LHX4: variants seen among roughly 807,000 people sequenced by gnomAD.
The protein encoded by LHX4 is LIM/homeobox protein Lhx4.
A neutral mutation model predicts 39.2 loss-of-function variants in LHX4; 16 were observed. That is an observed-to-expected ratio of 0.41 (90% CI 0.28 to 0.62). The LOEUF (loss-of-function observed/expected upper bound fraction) is 0.62. Ranked by LOEUF, LHX4 falls within the 20% of genes least tolerant of loss-of-function variation. The pLI is 0.33. For synonymous variants in LHX4, 206 were observed against 198.1 expected, an observed-to-expected ratio of 1.04 and a Z score of -0.33; for missense variants, 439 against 511.9, an observed-to-expected ratio of 0.86 and a Z score of 1.37.
chr1:180,272,114 C>T (rs1257529183), intron 5 of LHX4, 108 bp downstream of exon 5: 20 of 974,554 alleles, frequency 2.1e-5, no homozygotes, highest in Non-Finnish European at 3.0e-5. Flanking sequence ...CAACTCCCTC[C>T]TGAACACAGG....
chr1:180,242,479 C>T (rs560590066), intron 1 of LHX4, among the ~76,000 whole-genome samples: 5 of 151,496 alleles, frequency 3.3e-5, no homozygotes, highest in East Asian at 1.9e-4. Flanking sequence ...ATGGTGTGGG[C>T]GTGTATATAT....
rs1490916810 is a variant in LHX4 at position 180,276,143 on chromosome 1, G to T, written c.*1564G>T. On this transcript the variant is annotated 3_prime_UTR_variant, in exon 6 of 6. Transcript: ENST00000263726. ...CTCTTAAATGAGATCAGCAGAGTAG[G>T]AAAGGGTGAGAAGGCATTGCCTATC... 2.0e-5 allele frequency: 3 copies of T among 152,200 alleles called. No homozygotes were observed. Among genetic ancestry groups the T allele is most frequent in the Non-Finnish European group, 4.4e-5 (3 of 68,040 alleles). 9.4% of individuals were successfully genotyped at this position (152,200 alleles called of 1,614,324 possible).
At position 180,258,945 on chromosome 1, in the gene LHX4, G is replaced by A. The variant is rs184255818; in HGVS notation, c.249-7447G>A. Among the ~76,000 whole-genome samples the A allele has an allele frequency of 2.5e-3, 378 of 152,272 alleles. 4 individuals carry two copies. The highest frequency in any genetic ancestry group is 0.024 in the Middle Eastern group (7 of 294). Reference sequence around the variant, plus strand: ...CTGTGGGAAGAATGAAGTTACAGTGGTCTGAGATGGGAAGGGCTATGGGAG... The same window carrying A: ...CTGTGGGAAGAATGAAGTTACAGTGATCTGAGATGGGAAGGGCTATGGGAG... On this transcript the variant is annotated intron_variant, in intron 2 of 5. Coordinates refer to ENST00000263726, the MANE Select transcript of LHX4 (RefSeq NM_033343.4).
intron 2 of LHX4, among the ~76,000 whole-genome samples, chr1:180,256,453 A>G (rs1405924114): frequency 1.3e-5 from 2 of 152,152 alleles, no homozygotes; most frequent in Non-Finnish European, 2.9e-5. Flanking sequence ...TCTGGTGGGC[A>G]CTGTGGATGA....
In LHX4 at chr1:180,274,639, A is replaced by G. The variant is rs1648918148; in HGVS notation, c.*60A>G. ...CTTGAGAGAATATCTTCAAGGATCAAAAGAGACTTGCCTTTTAAGGATCGA... is the reference window on the plus strand; with the variant it reads ...CTTGAGAGAATATCTTCAAGGATCAGAAGAGACTTGCCTTTTAAGGATCGA... On this transcript the variant is annotated 3_prime_UTR_variant, in exon 6 of 6. Coordinates refer to ENST00000263726, the MANE Select transcript of LHX4 (RefSeq NM_033343.4). The G allele has an allele frequency of 6.7e-7, 1 of 1,484,136 alleles. No individual in the cohort carries two copies. 91.9% of individuals were successfully genotyped at this position (1,484,136 alleles called of 1,614,324 possible).
At chr1:180,231,664 C>A (rs1664185681) in intron 1 of LHX4, among the ~76,000 whole-genome samples, 1 of 151,858 alleles carries the variant, frequency 6.6e-6, no homozygotes, top group Admixed American at 6.6e-5. Flanking sequence ...GAGTTCCTCG[C>A]TCCGCTTGCC....
At chr1:180,237,218 G>T (rs997204878) in intron 1 of LHX4, among the ~76,000 whole-genome samples, 1 of 152,060 alleles carries the variant, frequency 6.6e-6, no homozygotes, top group African/African-American at 2.4e-5. Flanking sequence ...ACTCGGCGGG[G>T]GGGGCGGGGA....
In LHX4 at chr1:180,274,414, T is replaced by C. The variant is rs1414840909; in HGVS notation, c.1008T>C (p.Ser336=). 1 of 1,614,162 alleles carries C rather than the reference T, an allele frequency of 6.2e-7. No homozygotes were observed. The highest frequency in any genetic ancestry group is 1.7e-5 in the Admixed American group (1 of 60,016). The change falls in exon 6 of 6, where the codon AGT becomes AGC. Residue 336 remains serine, a synonymous_variant. Coordinates refer to ENST00000263726, the MANE Select transcript of LHX4 (RefSeq NM_033343.4). ...ATGGGCTGGATTACACGGTGGACAG[T>C]AATTTGGGCATCATTGCGCATGCAG... is the stretch of plus-strand genomic sequence containing the variant. ...LLNGLDYTVD[S]NLGIIAHAGQ...
chr1:180,266,479 G>A lies in LHX4; in HGVS notation c.336G>A (p.Leu112=). ...AGGCCCAGGACTTTGTCTACCACCTGCACTGCTTTGCTTGCATCATCTGCA... is the reference window on the plus strand; with the variant it reads ...AGGCCCAGGACTTTGTCTACCACCTACACTGCTTTGCTTGCATCATCTGCA... ...VRKAQDFVYH[L]HCFACIICNR... Residue 112 remains leucine (L), a synonymous_variant, in exon 3 of 6, where the codon CTG becomes CTA. Coordinates refer to ENST00000263726, the MANE Select transcript of LHX4 (RefSeq NM_033343.4). The surrounding 1 kb of genome is among the most constrained non-coding windows in gnomAD (Gnocchi z 5.7). 1 of 1,614,226 alleles carries A rather than the reference G, an allele frequency of 6.2e-7. No homozygotes were observed.
At position 180,248,355 on chromosome 1, in the gene LHX4, C is replaced by T. The variant is rs2149256461; in HGVS notation, c.147C>T (p.His49=). ...TCATCCTGAAGGTCCTGGACAGACA[C>T]TGGCACAGCTCCTGCCTCAAGTGTG... ...DKFILKVLDR[H]WHSSCLKCAD... The change falls in exon 2 of 6, where the codon CAC becomes CAT. Residue 49 remains histidine (H), a synonymous_variant. Transcript: ENST00000263726. 3.1e-6 allele frequency: 5 copies of T among 1,614,258 alleles called. No individual in the cohort carries two copies. Among genetic ancestry groups the T allele is most frequent in the South Asian group, 2.2e-5 (2 of 91,092 alleles).
intron 2 of LHX4, among the ~76,000 whole-genome samples, chr1:180,249,975 G>C (rs925279507): frequency 6.6e-6 from 1 of 151,960 alleles, no homozygotes; most frequent in Non-Finnish European, 1.5e-5. Context: ...TGTTGTGTGT[G>C]AGTGTGAGTG....
chr1:180,244,741 T>C (rs1025020886), intron 1 of LHX4, among the ~76,000 whole-genome samples: 2 of 151,850 alleles, frequency 1.3e-5, no homozygotes, highest in African/African-American at 4.8e-5. Context: ...GTGCAAGGAG[T>C]TGGGCTAGCT....
chr1:180,263,479 C>G (rs1361893713), intron 2 of LHX4, among the ~76,000 whole-genome samples: 1 of 105,434 alleles, frequency 9.5e-6, no homozygotes, highest in Non-Finnish European at 2.0e-5. Flanking sequence ...CCGGGGGAGC[C>G]TTGTGGGCCA....
At chr1:180,243,382 G>T (rs1227470745) in intron 1 of LHX4, among the ~76,000 whole-genome samples, 1 of 152,050 alleles carries the variant, frequency 6.6e-6, no homozygotes, top group Non-Finnish European at 1.5e-5. Flanking sequence ...AGGAGGAGGA[G>T]ATCCGGTTCA....
chr1:180,266,527 C>T lies in LHX4; in HGVS notation c.384C>T (p.Asp128=), dbSNP rs141139762. The part of the protein sequence containing the change: ...IICNRQLATG[D]EFYLMEDGRL... Reference sequence around the variant, plus strand: ...GCAACCGGCAGCTGGCCACGGGGGACGAATTCTACCTCATGGAGGACGGGC... The same window carrying T: ...GCAACCGGCAGCTGGCCACGGGGGATGAATTCTACCTCATGGAGGACGGGC... Residue 128 remains aspartate (D), a synonymous_variant, in exon 3 of 6, where the codon GAC becomes GAT. Coordinates refer to ENST00000263726, the MANE Select transcript of LHX4 (RefSeq NM_033343.4). The surrounding 1 kb of genome is among the most constrained non-coding windows in gnomAD (Gnocchi z 5.7). 14,689 of 1,614,166 alleles carry T rather than the reference C, an allele frequency of 9.1e-3. 88 individuals carry two copies. Among genetic ancestry groups the T allele is most frequent in the Middle Eastern group, 0.019 (116 of 6,062 alleles).
rs376522560 is a variant in LHX4 at position 180,230,647 on chromosome 1, CAGCT to C, written c.76+46_76+49del. On this transcript the variant is annotated intron_variant, in intron 1 of 5. Coordinates refer to ENST00000263726, the MANE Select transcript of LHX4 (RefSeq NM_033343.4). This position sits in a 1 kb window ranked among gnomAD's most constrained non-coding sequence, Gnocchi z 5.8. ...TCTCGCTGATTTAATTCTAACAAGA[CAGCT>C]AGCAGCCTCAGCCGCTGCGGGGCGG... 64 of 1,561,116 alleles carry C rather than the reference CAGCT, an allele frequency of 4.1e-5. No individual in the cohort carries two copies. The African/African-American group carries it at 7.7e-4, about 19-fold the overall frequency.
At chr1:180,240,217 A>G (rs1224621293) in intron 1 of LHX4, among the ~76,000 whole-genome samples, 1 of 152,242 alleles carries the variant, frequency 6.6e-6, no homozygotes, top group Admixed American at 6.5e-5. Context: ...TTATTATAAT[A>G]GAGGTAGGGG....
In LHX4 at chr1:180,235,045, C is replaced by A. The variant is rs1242480577; in HGVS notation, c.76+4440C>A. On this transcript the variant is annotated intron_variant, in intron 1 of 5. Coordinates refer to ENST00000263726, the MANE Select transcript of LHX4 (RefSeq NM_033343.4). ...GGCGTGCTCTGGGTTTTGGGGGACT[C>A]GCCGGTGGAGGTAGATGTGGACAGG... Among the ~76,000 whole-genome samples the A allele has an allele frequency of 3.3e-5, 5 of 152,210 alleles. No individual in the cohort carries two copies. The East Asian group carries it at 9.7e-4, about 29-fold the overall frequency.
At position 180,260,192 on chromosome 1, in the gene LHX4, C is replaced by T. The variant is rs112943722; in HGVS notation, c.249-6200C>T. Among the ~76,000 whole-genome samples, 941 of 151,702 alleles carry T rather than the reference C, an allele frequency of 6.2e-3. 9 individuals carry two copies. The highest frequency in any genetic ancestry group is 0.011 in the Non-Finnish European group (756 of 67,964). On this transcript the variant is annotated intron_variant, in intron 2 of 5. Transcript: ENST00000263726. Reference sequence around the variant, plus strand: ...GTCGGATGAGATCACATGTGCAGGGCCCACTCTGCACAGGACACAGGTTGG... The same window carrying T: ...GTCGGATGAGATCACATGTGCAGGGTCCACTCTGCACAGGACACAGGTTGG...
Sources: gnomAD v4.1 joint callset for allele counts (sites outside exome capture counted in the v4.1 genomes callset) on GRCh38, gnomAD v4.1.1 for gene constraint, Gnocchi (gnomAD v3.1) non-coding constraint, MANE v1.5 for transcripts, NCBI Gene and HGNC (gene_info 2026-07-23, HGNC 2026-07-21) for gene names.